Variants in TRHDE observed in about 807,000 individuals in gnomAD.
TRHDE encodes the protein thyrotropin releasing hormone degrading enzyme.
A neutral mutation model predicts 125.7 loss-of-function variants in TRHDE; 72 were observed. The observed-to-expected ratio is 0.57, with a 90% CI of 0.47 to 0.70. The LOEUF (loss-of-function observed/expected upper bound fraction) is 0.70, where lower values mean the gene tolerates loss of function less well. Ranked by LOEUF, TRHDE falls within the 30% of genes least tolerant of loss-of-function variation. The probability of loss-of-function intolerance (pLI) is 0.00; values close to 1 mark genes in which losing one functional copy is unlikely to be tolerated. For missense variants in TRHDE, 1,110 were observed against 1,327.1 expected (o/e 0.84, Z 2.54); for synonymous variants, 509 against 509.1 (o/e 1.00, Z 0.00).
chr12:72,503,839 AG>A (rs1878252460), intron 6 of TRHDE, among the ~76,000 whole-genome samples: 1 of 152,132 alleles, frequency 6.6e-6, no homozygotes, highest in South Asian at 2.1e-4. Flanking sequence ...GTTTCCCCAA[AG>A]GGCTATGATT....
intron 2 of TRHDE, among the ~76,000 whole-genome samples, chr12:72,246,429 T>C (rs553467160): frequency 5.6e-4 from 85 of 152,340 alleles, no homozygotes; most frequent in African/African-American, 2.0e-3. Flanking sequence ...CTGTTCAGTA[T>C]TATTTGGATA....
chr12:72,184,837 G>A (rs1219214189), intron 2 of TRHDE, among the ~76,000 whole-genome samples: 5 of 152,200 alleles, frequency 3.3e-5, no homozygotes, highest in South Asian at 2.1e-4. Flanking sequence ...AGTTGTTATG[G>A]TTGATTTCCT....
chr12:72,406,172 A>G (rs1873257895), intron 3 of TRHDE, among the ~76,000 whole-genome samples: 1 of 152,206 alleles, frequency 6.6e-6, no homozygotes, highest in South Asian at 2.1e-4. Flanking sequence ...ATACTGCTAA[A>G]GATTAAAAGA....
chr12:72,272,129 G>T (rs753667833), upstream of TRHDE: 10 of 457,496 alleles, frequency 2.2e-5, no homozygotes, highest in African/African-American at 2.0e-4. The surrounding 1 kb of genome is among the most constrained non-coding windows in gnomAD (Gnocchi z 6.7). Flanking sequence ...CTGCTGCTGC[G>T]AGCACATTCC....
chr12:72,573,176 A>G (rs1201343943), intron 10 of TRHDE, among the ~76,000 whole-genome samples: 1 of 151,912 alleles, frequency 6.6e-6, no homozygotes, highest in African/African-American at 2.4e-5. Flanking sequence ...AACATTCTCA[A>G]TATTTAAGTT....
chr12:72,445,357 G>A (rs1309148493), intron 3 of TRHDE, among the ~76,000 whole-genome samples: 1 of 151,750 alleles, frequency 6.6e-6, no homozygotes, highest in Non-Finnish European at 1.5e-5. Flanking sequence ...GTTCATAGGT[G>A]TATTTATCCC....
At chr12:72,208,082 C>A (rs1257037638) in intron 2 of TRHDE, among the ~76,000 whole-genome samples, 1 of 152,160 alleles carries the variant, frequency 6.6e-6, no homozygotes, top group African/African-American at 2.4e-5. Flanking sequence ...CTGTGTAAAT[C>A]GTTAAGTCTC....
chr12:72,474,853 C>T (rs1308589960), intron 5 of TRHDE, among the ~76,000 whole-genome samples: 2 of 151,772 alleles, frequency 1.3e-5, no homozygotes, highest in African/African-American at 2.4e-5. Flanking sequence ...TTAAACGACT[C>T]CTGCTGAGAA....
chr12:72,188,055 A>G (rs1394423413), intron 2 of TRHDE, among the ~76,000 whole-genome samples: 1 of 152,274 alleles, frequency 6.6e-6, no homozygotes, highest in Non-Finnish European at 1.5e-5. Context: ...TTAATGTTTG[A>G]TAAACTTAAT....
chr12:72,428,364 A>T lies in TRHDE; in HGVS notation c.1316-41394A>T, dbSNP rs185365470. Among the ~76,000 whole-genome samples the T allele has an allele frequency of 1.6e-4, 24 of 152,168 alleles. No homozygotes were observed. In the East Asian group the frequency reaches 4.6e-3, roughly 29 times the overall value. On this transcript the variant is annotated intron_variant, in intron 3 of 18. Transcript: ENST00000261180. ...GAATACTAATATGTGTGTGTTTAAGATGTATTTCTATCTCTATATCTATGC... is the reference window on the plus strand; with the variant it reads ...GAATACTAATATGTGTGTGTTTAAGTTGTATTTCTATCTCTATATCTATGC...
At chr12:72,310,090 A>G (rs931540846) in intron 2 of TRHDE, among the ~76,000 whole-genome samples, 8 of 152,178 alleles carry the variant, frequency 5.3e-5, no homozygotes, top group African/African-American at 1.9e-4. Flanking sequence ...GCTATGACAC[A>G]CCATAGTTCG....
At chr12:72,415,040 C>T (rs759316335) in intron 3 of TRHDE, among the ~76,000 whole-genome samples, 33 of 152,086 alleles carry the variant, frequency 2.2e-4, no homozygotes, top group Non-Finnish European at 4.1e-4. Context: ...GGGGCTCCTA[C>T]TGTTCGTTGG....
intron 2 of TRHDE, among the ~76,000 whole-genome samples, chr12:72,356,181 A>G (rs558096424): frequency 3.3e-5 from 5 of 151,798 alleles, no homozygotes; most frequent in Non-Finnish European, 5.9e-5. Context: ...AATGTAGTAC[A>G]TACACACTAT....
chr12:72,638,193 T>C (rs1211719035), intron 15 of TRHDE, among the ~76,000 whole-genome samples: 2 of 148,214 alleles, frequency 1.3e-5, no homozygotes, highest in Non-Finnish European at 3.0e-5. Context: ...TGCTCCTGTA[T>C]TGGGTGCATA....
chr12:72,623,866 C>G (rs774702757), intron 15 of TRHDE, among the ~76,000 whole-genome samples: 4 of 152,052 alleles, frequency 2.6e-5, no homozygotes, highest in Non-Finnish European at 5.9e-5. Flanking sequence ...AACAATTCAT[C>G]AGCTCATTTT....
chr12:72,338,664 C>G (rs1345119960), intron 2 of TRHDE, among the ~76,000 whole-genome samples: 1 of 152,104 alleles, frequency 6.6e-6, no homozygotes, highest in African/African-American at 2.4e-5. Flanking sequence ...CCTGTGCAAA[C>G]AATGATGTGC....
chr12:72,340,890 A>C (rs1040875323), intron 2 of TRHDE, among the ~76,000 whole-genome samples: 1 of 152,118 alleles, frequency 6.6e-6, no homozygotes, highest in Admixed American at 6.6e-5. Context: ...TATTGTGAAT[A>C]ATTAGCAGTC....
At chr12:72,547,477 C>T (rs1387371848) in intron 7 of TRHDE, among the ~76,000 whole-genome samples, 2 of 151,688 alleles carry the variant, frequency 1.3e-5, no homozygotes. Context: ...AGTGATTACT[C>T]ATAAAATAAG....
At chr12:72,163,316 T>C (rs1174435361) in intron 2 of TRHDE, among the ~76,000 whole-genome samples, 1 of 152,196 alleles carries the variant, frequency 6.6e-6, no homozygotes, top group African/African-American at 2.4e-5. Context: ...TGAATACCTA[T>C]AACAGCTTGT....
Sources: gnomAD v4.1 joint callset for allele counts (sites outside exome capture counted in the v4.1 genomes callset) on GRCh38, gnomAD v4.1.1 for gene constraint, Gnocchi (gnomAD v3.1) non-coding constraint, MANE v1.5 for transcripts, NCBI Gene and HGNC (gene_info 2026-07-23, HGNC 2026-07-21) for gene names.